Variants in GRID1 observed in about 807,000 individuals in gnomAD.
The protein encoded by GRID1 is glutamate receptor ionotropic, delta-1.
A neutral mutation model predicts 98.0 loss-of-function variants in GRID1; 28 were observed. The observed-to-expected ratio is 0.29, with a 90% CI of 0.21 to 0.39. GRID1 has a LOEUF of 0.39. Ranked by LOEUF, GRID1 falls within the 10% of genes least tolerant of loss-of-function variation. GRID1 has a pLI of 1.00. For synonymous variants in GRID1, 553 were observed against 538.5 expected, an observed-to-expected ratio of 1.03 and a Z score of -0.37; for missense variants, 1,111 against 1,340.5, an observed-to-expected ratio of 0.83 and a Z score of 2.67.
At chr10:85,852,683 A>G (rs936598471) in intron 8 of GRID1, among the ~76,000 whole-genome samples, 4 of 152,218 alleles carry the variant, frequency 2.6e-5, no homozygotes, top group Middle Eastern at 3.2e-3. Context: ...AGAGTGATTG[A>G]AAGAGCCCTC....
intron 3 of GRID1, among the ~76,000 whole-genome samples, chr10:86,167,219 C>A (rs563264581): frequency 6.6e-6 from 1 of 152,216 alleles, no homozygotes; most frequent in Non-Finnish European, 1.5e-5. Flanking sequence ...GGGGCCTGGG[C>A]CCTGGGAGGG....
intron 13 of GRID1, among the ~76,000 whole-genome samples, chr10:85,636,112 C>A (rs1338031942): frequency 6.6e-6 from 1 of 152,148 alleles, no homozygotes; most frequent in Admixed American, 6.5e-5. Flanking sequence ...CTCATGGTAG[C>A]TGTTGTGATT....
At chr10:86,356,099 A>G (rs1481736670) in intron 2 of GRID1, among the ~76,000 whole-genome samples, 1 of 152,186 alleles carries the variant, frequency 6.6e-6, no homozygotes, top group Admixed American at 6.5e-5. Context: ...TTTACAGAGC[A>G]CAAGATTGGC....
At chr10:85,702,762 A>C (rs549456290) in intron 12 of GRID1, among the ~76,000 whole-genome samples, 9 of 151,954 alleles carry the variant, frequency 5.9e-5, no homozygotes, top group African/African-American at 1.9e-4. Flanking sequence ...CAGTATGAGG[A>C]TAAACGGAGG....
At position 85,739,371 on chromosome 10, in the gene GRID1, G is replaced by A. The variant is rs1841918349; in HGVS notation, c.1234-9757C>T. ...AAGGCAAGAGAATCACTTGAGCCCAGGAGATTGAGACCAACCCAGGCAACA... is the reference window on the plus strand; with the variant it reads ...AAGGCAAGAGAATCACTTGAGCCCAAGAGATTGAGACCAACCCAGGCAACA... On this transcript the variant is annotated intron_variant, in intron 8 of 15. Coordinates refer to ENST00000327946, the MANE Select transcript of GRID1 (RefSeq NM_017551.3). 1.3e-5 allele frequency among the ~76,000 whole-genome samples: 2 copies of A among 152,094 alleles called. 1 individual carries two copies. Among genetic ancestry groups the A allele is most frequent in the Admixed American group, 1.3e-4 (2 of 15,258 alleles).
chr10:86,180,574 G>A (rs910421494), intron 3 of GRID1, among the ~76,000 whole-genome samples: 2 of 152,236 alleles, frequency 1.3e-5, no homozygotes, highest in Non-Finnish European at 2.9e-5. Flanking sequence ...GGGCTGGGCA[G>A]AGGCCTGAGC....
At chr10:85,901,009 A>G (rs973795593) in intron 5 of GRID1, among the ~76,000 whole-genome samples, 1 of 152,130 alleles carries the variant, frequency 6.6e-6, no homozygotes, top group African/African-American at 2.4e-5. Context: ...GTCTTAAAGG[A>G]TGCATGAGAC....
chr10:85,673,984 C>T (rs981217885), intron 12 of GRID1, among the ~76,000 whole-genome samples: 7 of 152,018 alleles, frequency 4.6e-5, no homozygotes, highest in Non-Finnish European at 8.8e-5. Context: ...GAGCAAATTC[C>T]TCTCAGATCA....
intron 12 of GRID1, among the ~76,000 whole-genome samples, chr10:85,700,244 T>C (rs1841436182): frequency 6.6e-6 from 1 of 152,182 alleles, no homozygotes; most frequent in African/African-American, 2.4e-5. Flanking sequence ...TTGCTATTCT[T>C]ATCCCTACAT....
chr10:86,216,503 G>T (rs57902110), intron 2 of GRID1, among the ~76,000 whole-genome samples: 2,135 of 152,324 alleles, frequency 0.014, 54 homozygotes, highest in African/African-American at 0.049. Flanking sequence ...AATGAGAAAA[G>T]ATCTTGGAAT....
intron 13 of GRID1, among the ~76,000 whole-genome samples, chr10:85,637,078 T>A (rs1042182628): frequency 2.6e-5 from 4 of 152,150 alleles, no homozygotes; most frequent in African/African-American, 7.2e-5. Flanking sequence ...TTTATAAAGT[T>A]TTACCACATT....
chr10:85,602,782 G>T, intron 15 of GRID1, 81 bp from the exon 16 acceptor site: 1 of 1,036,648 alleles, frequency 9.6e-7, no homozygotes, highest in Non-Finnish European at 1.4e-6. Flanking sequence ...GATGTCTGTA[G>T]TCACCAGGCC....
intron 8 of GRID1, among the ~76,000 whole-genome samples, chr10:85,739,942 T>G (rs1385413456): frequency 6.6e-6 from 1 of 152,210 alleles, no homozygotes; most frequent in Non-Finnish European, 1.5e-5. Flanking sequence ...TTATAAGGAA[T>G]GTTCATCTCT....
At chr10:86,065,964 T>C (rs1309407947) in intron 4 of GRID1, among the ~76,000 whole-genome samples, 2 of 152,238 alleles carry the variant, frequency 1.3e-5, no homozygotes, top group East Asian at 3.8e-4. Context: ...TGCCTTTCCC[T>C]GCAAGTTAAT....
intron 5 of GRID1, among the ~76,000 whole-genome samples, chr10:85,907,036 CAT>C (rs1332047124): frequency 2.6e-5 from 4 of 152,272 alleles, no homozygotes; most frequent in South Asian, 2.1e-4. Context: ...AGAAAAATCA[CAT>C]GTCTACAGAT....
At chr10:86,129,845 G>A (rs1844807553) in intron 4 of GRID1, among the ~76,000 whole-genome samples, 1 of 152,236 alleles carries the variant, frequency 6.6e-6, no homozygotes, top group African/African-American at 2.4e-5. Context: ...CTTCCATCTA[G>A]AGGAGGAGTC....
At chr10:85,818,079 G>A (rs2131748508) in intron 8 of GRID1, among the ~76,000 whole-genome samples, 1 of 152,276 alleles carries the variant, frequency 6.6e-6, no homozygotes, top group Middle Eastern at 3.4e-3. Flanking sequence ...TCACATGCAT[G>A]CTGATTAGCA....
intron 4 of GRID1, among the ~76,000 whole-genome samples, chr10:86,090,769 A>C (rs111691647): frequency 0.013 from 1,941 of 152,320 alleles, 41 homozygotes; most frequent in African/African-American, 0.044. Context: ...CTCTGAAGGA[A>C]GCAAACTGCT....
In GRID1 at chr10:86,139,295, T is replaced by C. The variant is rs76895535; in HGVS notation, c.521-271A>G. On this transcript the variant is annotated intron_variant, in intron 3 of 15. Coordinates refer to ENST00000327946, the MANE Select transcript of GRID1 (RefSeq NM_017551.3). ...ATGGCCAGAAAGTGCCCTTGATTCA[T>C]GACAAGCTCTCTTTCTTTCCCTATA... Among the ~76,000 whole-genome samples the C allele has an allele frequency of 1.9e-3, 283 of 152,292 alleles. 3 individuals are homozygous for C. Among genetic ancestry groups the C allele is most frequent in the African/African-American group, 6.6e-3 (273 of 41,560 alleles).
Sources: allele counts gnomAD v4.1 joint callset (sites outside exome capture counted in the v4.1 genomes callset), GRCh38; gene constraint gnomAD v4.1.1; transcripts MANE v1.5; gene names NCBI Gene and HGNC (gene_info 2026-07-23, HGNC 2026-07-21).